The following RBPJ variants were observed in gnomAD, a reference collection of about 807,000 sequenced individuals.
RBPJ encodes recombining binding protein suppressor of hairless.
A neutral mutation model predicts 67.8 loss-of-function variants in RBPJ; 9 were observed. The ratio of observed to expected loss-of-function variants is 0.13; its 90% CI spans 0.08 to 0.23. The LOEUF is 0.23. Ranked by LOEUF, RBPJ falls within the 10% of genes least tolerant of loss-of-function variation. The pLI is 1.00. For synonymous variants in RBPJ, 198 were observed against 203.3 expected, an observed-to-expected ratio of 0.97 and a Z score of 0.22; for missense variants, 305 against 595.6, an observed-to-expected ratio of 0.51 and a Z score of 5.08.
At position 26,321,055 on chromosome 4, in the gene RBPJ, C is replaced by A. The variant is rs771142343; in HGVS notation, c.20+7C>A. 6 of 1,603,488 alleles carry A rather than the reference C, an allele frequency of 3.7e-6. No individual in the cohort carries two copies. In the East Asian group the frequency reaches 1.3e-4, roughly 36 times the overall value. ...TGGCGCCTGTTGTGACAGGGTAAGT[C>A]TGAGGGAATCGGAGCGCCGGGAACC... On this transcript the variant is annotated splice_region_variant and intron_variant, in intron 1 of 10. Transcript: ENST00000355476.
At chr4:26,212,182 A>G (rs1199964321) in intron 1 of RBPJ, among the ~76,000 whole-genome samples, 6 of 152,240 alleles carry the variant, frequency 3.9e-5, no homozygotes, top group African/African-American at 9.6e-5. Flanking sequence ...CTACAATGGA[A>G]ATTATAATAA....
intron 1 of RBPJ, among the ~76,000 whole-genome samples, chr4:26,353,414 TA>T (rs953562115): frequency 1.3e-5 from 2 of 152,198 alleles, no homozygotes; most frequent in African/African-American, 4.8e-5. Context: ...TTCTGCCACT[TA>T]AATGTCTCTT....
intron 1 of RBPJ, among the ~76,000 whole-genome samples, chr4:26,215,323 AAGAAAAAG>A (rs1286344921): frequency 2.4e-5 from 2 of 83,466 alleles, no homozygotes; most frequent in African/African-American, 1.1e-4. Context: ...GAAAGAAAGA[AAGAAAAAG>A]AGAGAGAGAA....
At chr4:26,352,416 C>T (rs1726905524) in intron 1 of RBPJ, among the ~76,000 whole-genome samples, 1 of 152,214 alleles carries the variant, frequency 6.6e-6, no homozygotes, top group Non-Finnish European at 1.5e-5. Context: ...AAGGGCTTCC[C>T]TCCTGATATT....
upstream of RBPJ, among the ~76,000 whole-genome samples, chr4:26,158,601 G>A (rs11946691): frequency 9.0e-3 from 1,372 of 152,254 alleles, 17 homozygotes; most frequent in African/African-American, 0.031. Flanking sequence ...AAGAGAAGGC[G>A]CCAAATTTAC....
At chr4:26,299,672 CTTTTTTTTTTT>C (rs397879662) in intron 1 of RBPJ, among the ~76,000 whole-genome samples, 1 of 85,292 alleles carries the variant, frequency 1.2e-5, no homozygotes, top group Non-Finnish European at 2.2e-5. Context: ...AGACTGTGTG[CTTTTTTTTTTT>C]TTTTTTTTTT....
chr4:26,372,474 A>G (rs1013638130), intron 1 of RBPJ, among the ~76,000 whole-genome samples: 46 of 152,248 alleles, frequency 3.0e-4, no homozygotes, highest in African/African-American at 1.1e-3. Context: ...TAACTAGTAA[A>G]TTAACTGTAA....
At chr4:26,302,238 C>T (rs2109300418) in intron 1 of RBPJ, among the ~76,000 whole-genome samples, 1 of 152,270 alleles carries the variant, frequency 6.6e-6, no homozygotes, top group South Asian at 2.1e-4. Context: ...ATCATGGGTC[C>T]CAGCACAAGG....
At chr4:26,329,055 G>T (rs1446010717) in intron 1 of RBPJ, among the ~76,000 whole-genome samples, 2 of 152,170 alleles carry the variant, frequency 1.3e-5, no homozygotes, top group African/African-American at 4.8e-5. Context: ...GTGCAATGGT[G>T]CGATCTTGGC....
chr4:26,426,188 C>T (rs1735653788), intron 7 of RBPJ, among the ~76,000 whole-genome samples: 1 of 152,074 alleles, frequency 6.6e-6, no homozygotes, highest in East Asian at 1.9e-4. Context: ...TTTCTCTTCT[C>T]ATTCATTTCC....
the RBPJ span, among the ~76,000 whole-genome samples, chr4:26,157,425 T>A: frequency 6.6e-6 from 1 of 152,108 alleles, no homozygotes; most frequent in Admixed American, 6.5e-5. Flanking sequence ...AAAGCAAGAC[T>A]CTGTCTCTAA....
chr4:26,251,923 G>T (rs964270385), intron 1 of RBPJ, among the ~76,000 whole-genome samples: 2 of 150,716 alleles, frequency 1.3e-5, no homozygotes, highest in Admixed American at 6.6e-5. Context: ...AGTCAATAAC[G>T]TTCTCACAAC....
At chr4:26,265,909 T>C (rs1351966290) in intron 1 of RBPJ, among the ~76,000 whole-genome samples, 1 of 151,770 alleles carries the variant, frequency 6.6e-6, no homozygotes, top group East Asian at 1.9e-4. Context: ...TGGTGGCACA[T>C]GCCTGTAGTC....
At chr4:26,135,129 T>A in the RBPJ span, among the ~76,000 whole-genome samples, 1 of 152,152 alleles carries the variant, frequency 6.6e-6, no homozygotes, top group Non-Finnish European at 1.5e-5. Flanking sequence ...TGGGGATCTG[T>A]GGTCCTATTC....
intron 2 of RBPJ, among the ~76,000 whole-genome samples, chr4:26,397,681 T>C (rs1349963266): frequency 6.6e-6 from 1 of 152,212 alleles, no homozygotes; most frequent in East Asian, 1.9e-4. Context: ...TTGCCCAGGC[T>C]GGAGTGCAGT....
upstream of RBPJ, among the ~76,000 whole-genome samples, chr4:26,316,827 C>CTTTTTT (rs56130072): frequency 6.0e-4 from 43 of 71,384 alleles, 15 homozygotes; most frequent in African/African-American, 9.5e-4. Flanking sequence ...ACCCAGACGA[C>CTTTTTT]TTTTTTTTTT....
intron 1 of RBPJ, among the ~76,000 whole-genome samples, chr4:26,222,633 AATATATAT>A (rs10673072): frequency 0.017 from 2,274 of 135,920 alleles, 78 homozygotes; most frequent in African/African-American, 0.058. Flanking sequence ...TGTACTCTGA[AATATATAT>A]ATATATATAT....
At chr4:26,145,593 A>G in the RBPJ span, among the ~76,000 whole-genome samples, 1 of 152,198 alleles carries the variant, frequency 6.6e-6, no homozygotes, top group Non-Finnish European at 1.5e-5. Context: ...TCATTTGGTT[A>G]AACAACACAG....
chr4:26,417,017 G>A (rs1734661714), intron 4 of RBPJ, among the ~76,000 whole-genome samples: 1 of 152,154 alleles, frequency 6.6e-6, no homozygotes, highest in South Asian at 2.1e-4. Context: ...CTAAAGTAAC[G>A]AATATATTTA....
Sources: gnomAD v4.1 joint callset for allele counts (sites outside exome capture counted in the v4.1 genomes callset) on GRCh38, gnomAD v4.1.1 for gene constraint, MANE v1.5 for transcripts, NCBI Gene and HGNC (gene_info 2026-07-23, HGNC 2026-07-21) for gene names.